SPOCK2: variants seen among roughly 807,000 people sequenced by gnomAD.
SPOCK2 encodes SPARC (osteonectin), cwcv and kazal like domains proteoglycan 2, also known as testican-2.
Under a neutral mutation model 60.1 loss-of-function variants are expected in SPOCK2, and 39 were observed. That is an observed-to-expected ratio of 0.65 (90% CI 0.50 to 0.85). The LOEUF (loss-of-function observed/expected upper bound fraction) is 0.85, where lower values mean the gene tolerates loss of function less well. SPOCK2 is among the 40% of genes least tolerant of loss of function. SPOCK2 has a pLI of 0.00. For synonymous variants in SPOCK2, 217 were observed against 231.5 expected (o/e 0.94, Z 0.57); for missense variants, 523 against 567.4 (o/e 0.92, Z 0.80).
chr10:72,065,499 C>T (rs1312090685), intron 8 of SPOCK2, among the ~76,000 whole-genome samples: 1 of 152,240 alleles, frequency 6.6e-6, no homozygotes, highest in Non-Finnish European at 1.5e-5. Flanking sequence ...ATGATGCTTG[C>T]ACAGTGACAA....
intron 8 of SPOCK2, among the ~76,000 whole-genome samples, chr10:72,066,486 T>C (rs2131811366): frequency 6.7e-6 from 1 of 148,450 alleles, no homozygotes; most frequent in Middle Eastern, 3.5e-3. Flanking sequence ...CACAAATGCA[T>C]GCCACCATGC....
At chr10:72,068,584 C>T (rs2131813177) in intron 5 of SPOCK2, 2 of 415,632 alleles carry the variant, frequency 4.8e-6, no homozygotes, top group South Asian at 7.8e-5. Flanking sequence ...ACCTGTCTCC[C>T]CTCCCCTGCC....
At chr10:72,079,859 CT>C (rs1840760520) in intron 1 of SPOCK2, among the ~76,000 whole-genome samples, 1 of 152,074 alleles carries the variant, frequency 6.6e-6, no homozygotes, top group Non-Finnish European at 1.5e-5. Context: ...TGGGCTCCTG[CT>C]TGGCCTTGCC....
chr10:72,086,319 G>A, intron 1 of SPOCK2: 1 of 993,018 alleles, frequency 1.0e-6, no homozygotes, highest in Non-Finnish European at 1.2e-6. Context: ...CAGTGCCATG[G>A]GGTCAAGCAG....
chr10:72,084,909 A>G (rs1216083906), intron 1 of SPOCK2, among the ~76,000 whole-genome samples: 1 of 152,034 alleles, frequency 6.6e-6, no homozygotes, highest in Non-Finnish European at 1.5e-5. Context: ...ACTTATATGA[A>G]CTGTGCGCCT....
intron 1 of SPOCK2, among the ~76,000 whole-genome samples, chr10:72,084,919 T>C (rs969193669): frequency 2.0e-5 from 3 of 152,182 alleles, no homozygotes; most frequent in Non-Finnish European, 2.9e-5. Context: ...ACTGTGCGCC[T>C]CCTGGGTGCC....
Position 72,072,485 on chromosome 10 carries a change from C to A in SPOCK2, c.244+18G>T. The A allele has an allele frequency of 6.2e-7, 1 of 1,613,920 alleles. No individual in the cohort carries two copies. Among genetic ancestry groups the A allele is most frequent in the Non-Finnish European group, 8.5e-7 (1 of 1,180,006 alleles). Reference sequence around the variant, plus strand: ...CACACGTGTCAGTCACCTTCCCCCGCCGGGAGAGTCATGTTACCTTCATCT... The same window carrying A: ...CACACGTGTCAGTCACCTTCCCCCGACGGGAGAGTCATGTTACCTTCATCT... On this transcript the variant is annotated intron_variant, in intron 3 of 10. Coordinates refer to ENST00000373109, the MANE Select transcript of SPOCK2 (RefSeq NM_001244950.2).
intron 1 of SPOCK2, 130 bp downstream of exon 1, chr10:72,088,010 T>G: frequency 8.4e-7 from 1 of 1,197,252 alleles, no homozygotes; most frequent in Non-Finnish European, 1.2e-6. Flanking sequence ...CTGTTTACTT[T>G]CCGTGTAATT....
In SPOCK2 at chr10:72,087,023, T is replaced by C. The variant is rs1840867791; in HGVS notation, c.189+1117A>G. 2 of 1,549,122 alleles carry C rather than the reference T, an allele frequency of 1.3e-6. No individual in the cohort carries two copies. The highest frequency in any genetic ancestry group is 2.7e-5 in the African/African-American group (2 of 72,994). On this transcript the variant is annotated intron_variant, in intron 1 of 10. Transcript: ENST00000373109. The surrounding 1 kb of genome is among the most constrained non-coding windows in gnomAD (Gnocchi z 4.7). ...GAAGGAGGAGTAAGGGCCAGGGTCC[T>C]AGAAGAGGTTTTCTGGGGTCAGGGC...
Position 72,087,717 on chromosome 10 carries a change from T to C in SPOCK2, c.189+423A>G, listed in dbSNP as rs2131826598. Among the ~76,000 whole-genome samples the C allele has an allele frequency of 6.6e-6, 1 of 152,312 alleles. No individual in the cohort carries two copies. The highest frequency in any genetic ancestry group is 1.5e-5 in the Non-Finnish European group (1 of 68,008). ...CCACCCAGACCTGCCGGTGCTGCAG[T>C]GCCCCGTATGTGCAGCCTGCAGCAT... On this transcript the variant is annotated intron_variant, in intron 1 of 10. Transcript: ENST00000373109. This position sits in a 1 kb window ranked among gnomAD's most constrained non-coding sequence, Gnocchi z 4.7.
At chr10:72,072,291 C>T in intron 3 of SPOCK2, 33 bp from the exon 4 acceptor site, 1 of 1,488,990 alleles carries the variant, frequency 6.7e-7, no homozygotes. Flanking sequence ...CACAGGTCAC[C>T]TGGGAGAACC....
Position 72,072,919 on chromosome 10 carries a change from C to T in SPOCK2, c.190-9G>A. On this transcript the variant is annotated splice_polypyrimidine_tract_variant and intron_variant, in intron 1 of 10. Transcript: ENST00000373109. ...GTACTCACCTCCACTTCCTGGAGAT[C>T]AGGGAACAGCAGCAGGCCATGGAAA... 6.4e-7 allele frequency: 1 copy of T among 1,554,880 alleles called. No individual in the cohort carries two copies. Among genetic ancestry groups the T allele is most frequent in the Non-Finnish European group, 8.7e-7 (1 of 1,148,766 alleles).
At chr10:72,072,372 T>C (rs1840659204) in intron 3 of SPOCK2, 114 bp from the exon 4 acceptor site, 1 of 1,485,196 alleles carries the variant, frequency 6.7e-7, no homozygotes, top group Non-Finnish European at 9.1e-7. Context: ...CCAGAGCTCC[T>C]GAGCTCAGGA....
intron 9 of SPOCK2, among the ~76,000 whole-genome samples, chr10:72,063,912 T>G (rs892208338): frequency 1.2e-4 from 19 of 152,210 alleles, no homozygotes; most frequent in Admixed American, 2.6e-4. Flanking sequence ...GGTTCCAGGA[T>G]CCTTCTGTAT....
chr10:72,067,483 T>C, intron 7 of SPOCK2, 130 bp downstream of exon 7: 1 of 1,482,480 alleles, frequency 6.7e-7, no homozygotes, highest in Non-Finnish European at 9.0e-7. Flanking sequence ...GAAGGTTCTT[T>C]TGGGGCCCAG....
chr10:72,062,932 G>T lies in SPOCK2; in HGVS notation c.1130-27C>A. 6.3e-7 allele frequency: 1 copy of T among 1,594,166 alleles called. No homozygotes were observed. The highest frequency in any genetic ancestry group is 8.5e-7 in the Non-Finnish European group (1 of 1,173,270). ...TGTGAGGGGATCAAGCCAACAGGGG[G>T]TGAGGGAGCTTCTGGCACGCACCCC... is the stretch of plus-strand genomic sequence containing the variant. On this transcript the variant is annotated intron_variant, in intron 10 of 10. Coordinates refer to ENST00000373109, the MANE Select transcript of SPOCK2 (RefSeq NM_001244950.2). This position sits in a 1 kb window ranked among gnomAD's most constrained non-coding sequence, Gnocchi z 4.3.
intron 7 of SPOCK2, 121 bp downstream of exon 7, chr10:72,067,492 A>T: frequency 6.6e-7 from 1 of 1,504,164 alleles, no homozygotes; most frequent in Non-Finnish European, 8.9e-7. Flanking sequence ...TTTGGGGCCC[A>T]GATTGTAGGG....
chr10:72,072,237 G>A lies in SPOCK2; in HGVS notation c.266C>T (p.Pro89Leu), dbSNP rs2131815959. The A allele has an allele frequency of 6.5e-7, 1 of 1,543,856 alleles. No individual in the cohort carries two copies. The highest frequency in any genetic ancestry group is 8.7e-7 in the Non-Finnish European group (1 of 1,143,906). The change falls in exon 4 of 11, where the codon CCC (proline) becomes CTC (leucine). Residue 89 changes from proline to leucine, a missense_variant. Transcript: ENST00000373109. ...GDEALDTTKD[P>L]CQKVKCSRHK... ...GCGGCTGCACTTCACCTTCTGGCAG[G>A]GGTCCTTGGTGGTATCCAGGGCTGC...
At chr10:72,085,612 A>G (rs1197009232) in intron 1 of SPOCK2, among the ~76,000 whole-genome samples, 1 of 152,074 alleles carries the variant, frequency 6.6e-6, no homozygotes, top group Non-Finnish European at 1.5e-5. Flanking sequence ...CTGTTCCCCA[A>G]GAGTATCCCA....
Sources: gnomAD v4.1 joint callset for allele counts (sites outside exome capture counted in the v4.1 genomes callset) on GRCh38, gnomAD v4.1.1 for gene constraint, Gnocchi (gnomAD v3.1) non-coding constraint, MANE v1.5 for transcripts, NCBI Gene and HGNC (gene_info 2026-07-23, HGNC 2026-07-21) for gene names.